Variants in ACSL3 observed in about 807,000 individuals in gnomAD.
ACSL3 encodes acyl-CoA synthetase long chain family member 3, also known as fatty acid CoA ligase Acsl3.
In ACSL3, 34 loss-of-function variants were observed where a neutral mutation model predicts 84.7. The observed-to-expected ratio is 0.40, with a 90% CI of 0.31 to 0.53. The LOEUF (loss-of-function observed/expected upper bound fraction) is 0.53. Among genes scored for constraint, ACSL3 ranks in the 20% least tolerant of loss-of-function variants. The pLI is 0.48. For missense variants in ACSL3, 680 were observed against 873.1 expected (o/e 0.78, Z 2.79); for synonymous variants, 315 against 299.4 (o/e 1.05, Z -0.54).
At chr2:222,927,245 A>G (rs1233139155) in intron 12 of ACSL3, 56 bp downstream of exon 12, 1 of 1,578,746 alleles carries the variant, frequency 6.3e-7, no homozygotes, top group Non-Finnish European at 8.7e-7. Flanking sequence ...TTTTTGGGGT[A>G]TGGGATATTT....
chr2:222,924,419 A>C, intron 10 of ACSL3, 37 bp from the exon 11 acceptor site: 1 of 1,514,726 alleles, frequency 6.6e-7, no homozygotes, highest in South Asian at 1.3e-5. Context: ...GGCAGCTGTT[A>C]TTATTAACTA....
chr2:222,928,121 G>A, intron 12 of ACSL3, among the ~76,000 whole-genome samples: 1 of 152,170 alleles, frequency 6.6e-6, no homozygotes, highest in East Asian at 1.9e-4. Context: ...TTTCATTTCT[G>A]ATATTTGGTC....
chr2:222,877,097 TGTGTTACAG>T (rs1430101741), intron 1 of ACSL3, among the ~76,000 whole-genome samples: 1 of 151,978 alleles, frequency 6.6e-6, no homozygotes, highest in African/African-American at 2.4e-5. Flanking sequence ...ACTGAAAGGG[TGTGTTACAG>T]GATAAGTCAA....
At chr2:222,906,862 C>T (rs1273947387) in intron 3 of ACSL3, among the ~76,000 whole-genome samples, 1 of 152,162 alleles carries the variant, frequency 6.6e-6, no homozygotes, top group Non-Finnish European at 1.5e-5. Flanking sequence ...TTCTGTCCTC[C>T]CTGGCCTCCC....
At chr2:222,900,975 T>G (rs1371596577) in intron 3 of ACSL3, among the ~76,000 whole-genome samples, 195 bp downstream of exon 3, 3 of 152,332 alleles carry the variant, frequency 2.0e-5, no homozygotes, top group Admixed American at 6.5e-5. Flanking sequence ...TTATTTTTTG[T>G]TGCTTGAACA....
intron 1 of ACSL3, among the ~76,000 whole-genome samples, chr2:222,871,786 G>A (rs1216189956): frequency 1.3e-5 from 2 of 152,134 alleles, no homozygotes; most frequent in Non-Finnish European, 2.9e-5. Context: ...TAGTGGGTGA[G>A]GGGTTGTGGG....
chr2:222,927,263 A>G, intron 12 of ACSL3, 74 bp downstream of exon 12: 1 of 1,504,788 alleles, frequency 6.6e-7, no homozygotes, highest in East Asian at 2.3e-5. Flanking sequence ...TTTTCTGCAA[A>G]TATATAGGAG....
chr2:222,890,364 A>T (rs1382475760), intron 2 of ACSL3, among the ~76,000 whole-genome samples: 1 of 152,200 alleles, frequency 6.6e-6, no homozygotes, highest in Non-Finnish European at 1.5e-5. Context: ...TAGCTTGCAA[A>T]ATTATTTTAA....
chr2:222,924,432 T>A (rs199559667), intron 10 of ACSL3, 24 bp from the exon 11 acceptor site: 177 of 1,569,100 alleles, frequency 1.1e-4, no homozygotes, highest in Non-Finnish European at 1.5e-4. Context: ...ATTAACTATG[T>A]TAAACTCATT....
intron 1 of ACSL3, among the ~76,000 whole-genome samples, chr2:222,874,304 CG>C (rs1695387813): frequency 6.6e-6 from 1 of 152,290 alleles, no homozygotes. Context: ...GGATTACAGG[CG>C]TGGGCCACTG....
At chr2:222,890,897 C>T (rs795874) in intron 2 of ACSL3, among the ~76,000 whole-genome samples, 77,011 of 152,008 alleles carry the variant, frequency 0.51, 20,085 homozygotes, top group East Asian at 0.76. Flanking sequence ...CCCACTTCAG[C>T]CTCCCAAAGT....
At chr2:222,866,247 G>A (rs552447977) in intron 1 of ACSL3, among the ~76,000 whole-genome samples, 4 of 151,962 alleles carry the variant, frequency 2.6e-5, no homozygotes, top group Non-Finnish European at 5.9e-5. Flanking sequence ...CCGGGTTCAC[G>A]CCATTCTCCT....
At position 222,941,619 on chromosome 2, in the gene ACSL3, C is replaced by G. The variant is rs1697312916; in HGVS notation, c.2128C>G (p.Gln710Glu). ...ACGCAAAGAGCTTAAAACACATTAC[C>G]AGGCGGACATTGAGCGAATGTATGG... ...LKRKELKTHY[Q>E]ADIERMYGRK Residue 710 changes from glutamine (Q) to glutamate (E), a missense_variant, in exon 17 of 17, where the codon CAG becomes GAG. By Grantham distance (29) the Gln-to-Glu change is conservative (BLOSUM62 2). Around this residue, in one of 2 missense-constraint regions of ACSL3, gnomAD observed 347 missense variants for 525.7 expected, o/e 0.66. Coordinates refer to ENST00000357430, the MANE Select transcript of ACSL3 (RefSeq NM_004457.5). The G allele has an allele frequency of 6.2e-7, 1 of 1,613,414 alleles. No individual in the cohort carries two copies. The highest frequency in any genetic ancestry group is 1.3e-5 in the African/African-American group (1 of 74,954).
chr2:222,917,224 G>C (rs1019686228), intron 5 of ACSL3, among the ~76,000 whole-genome samples: 4 of 152,128 alleles, frequency 2.6e-5, no homozygotes, highest in African/African-American at 9.7e-5. Flanking sequence ...CGAGTAGCTG[G>C]GACTGCAGGC....
intron 1 of ACSL3, among the ~76,000 whole-genome samples, chr2:222,880,840 A>AC (rs1181991079): frequency 3.3e-5 from 5 of 151,484 alleles, no homozygotes; most frequent in African/African-American, 4.9e-5. Flanking sequence ...CCAAAAAAAA[A>AC]AAAAACAAAA....
At chr2:222,930,600 A>T (rs1348575069) in intron 13 of ACSL3, 21 bp from the exon 14 acceptor site, 1 of 1,550,108 alleles carries the variant, frequency 6.5e-7, no homozygotes. Flanking sequence ...TCAACTATTA[A>T]CTCAATTATT....
intron 2 of ACSL3, 33 bp from the exon 3 acceptor site, chr2:222,900,641 C>G (rs1377867757): frequency 8.5e-5 from 13 of 152,138 alleles, no homozygotes; most frequent in Admixed American, 8.5e-4. Context: ...TGTTACAGCT[C>G]TAATTCATGA....
At chr2:222,930,865 A>G (rs1213433605) in intron 14 of ACSL3, 53 bp downstream of exon 14, 2 of 1,481,628 alleles carry the variant, frequency 1.3e-6, no homozygotes, top group Admixed American at 4.1e-5. Context: ...TAGTTTACAC[A>G]AGAAGCACAA....
intron 8 of ACSL3, among the ~76,000 whole-genome samples, 157 bp from the exon 9 acceptor site, chr2:222,922,551 C>CCTGT (rs1559298487): frequency 2.4e-5 from 1 of 42,196 alleles, no homozygotes; most frequent in African/African-American, 1.3e-4. Flanking sequence ...TCTGTTTTCA[C>CCTGT]CTGTCTCTCT....
Sources: allele counts gnomAD v4.1 joint callset (sites outside exome capture counted in the v4.1 genomes callset), GRCh38; gene constraint gnomAD v4.1.1; regional missense constraint gnomAD v4.1.1; transcripts MANE v1.5; gene names NCBI Gene and HGNC (gene_info 2026-07-23, HGNC 2026-07-21).